Variants in BMPR2 observed in about 807,000 individuals in gnomAD.
BMPR2 encodes bone morphogenetic protein receptor type 2.
In BMPR2, 29 loss-of-function variants were observed where a neutral mutation model predicts 100.8. The ratio of observed to expected loss-of-function variants is 0.29; its 90% CI spans 0.21 to 0.39. BMPR2 has a LOEUF of 0.39. Among genes scored for constraint, BMPR2 ranks in the 10% least tolerant of loss-of-function variants. BMPR2 has a pLI of 1.00. For missense variants in BMPR2, 1,011 were observed against 1,274.5 expected, an observed-to-expected ratio of 0.79 and a Z score of 3.15; for synonymous variants, 382 against 442.3, an observed-to-expected ratio of 0.86 and a Z score of 1.71.
intron 1 of BMPR2, among the ~76,000 whole-genome samples, chr2:202,464,233 G>C (rs1409782778): frequency 3.4e-5 from 5 of 147,062 alleles, no homozygotes; most frequent in Non-Finnish European, 7.4e-5. Context: ...CTCAATTTAA[G>C]TGAACAATTC....
intron 1 of BMPR2, among the ~76,000 whole-genome samples, chr2:202,423,642 C>T (rs1343181965): frequency 1.3e-5 from 2 of 152,290 alleles, no homozygotes; most frequent in East Asian, 1.9e-4. Flanking sequence ...GTGGTCCCAG[C>T]TACTCAGGAC....
intron 1 of BMPR2, among the ~76,000 whole-genome samples, chr2:202,446,851 C>T (rs1691858895): frequency 6.7e-6 from 1 of 149,164 alleles, no homozygotes; most frequent in Non-Finnish European, 1.5e-5. Context: ...AGGGTTTCAC[C>T]ACGTTGGCCA....
Position 202,464,016 on chromosome 2 carries a change from G to T in BMPR2, c.77-793G>T, listed in dbSNP as rs550350066. Among the ~76,000 whole-genome samples the T allele has an allele frequency of 5.7e-4, 87 of 152,004 alleles. 2 individuals carry two copies. The highest frequency in any genetic ancestry group is 5.2e-4 in the Non-Finnish European group (35 of 67,956). The stretch of plus-strand genomic sequence containing the variant: ...CTCTACTAAAAATACAAAATTAGCC[G>T]GGCGTGGTGGCACATGCCTGTAATG... On this transcript the variant is annotated intron_variant, in intron 1 of 12. Coordinates refer to ENST00000374580, the MANE Select transcript of BMPR2 (RefSeq NM_001204.7).
At chr2:202,377,587 C>G in intron 1 of BMPR2, 37 bp downstream of exon 1, 1 of 1,610,176 alleles carries the variant, frequency 6.2e-7, no homozygotes, top group Non-Finnish European at 8.5e-7. Context: ...GGCCACTGCC[C>G]CTGCGGGTGG....
intron 1 of BMPR2, among the ~76,000 whole-genome samples, chr2:202,390,284 G>T (rs1369072605): frequency 6.6e-6 from 1 of 150,684 alleles, no homozygotes; most frequent in African/African-American, 2.4e-5. Flanking sequence ...AAAATAGGTT[G>T]TACTGTCATT....
chr2:202,533,135 CTTTTT>C (rs1041097831), intron 9 of BMPR2, among the ~76,000 whole-genome samples: 1 of 151,370 alleles, frequency 6.6e-6, no homozygotes, highest in African/African-American at 2.4e-5. Flanking sequence ...TTTTCCTTTT[CTTTTT>C]TTTTCATGCT....
intron 1 of BMPR2, among the ~76,000 whole-genome samples, chr2:202,391,908 C>T (rs532925946): frequency 4.0e-5 from 6 of 151,170 alleles, no homozygotes; most frequent in East Asian, 1.9e-4. Context: ...ACTACAGGCG[C>T]GCGCCACCAC....
At chr2:202,467,788 A>AGCCATCACGCC in intron 3 of BMPR2, 99 bp downstream of exon 3, 1 of 1,260,540 alleles carries the variant, frequency 7.9e-7, no homozygotes, top group Non-Finnish European at 1.1e-6. Context: ...GCCAGGCGTG[A>AGCCATCACGCC]TGGCTCATGC....
In BMPR2 at chr2:202,564,388, G is replaced by C. The variant is rs1192185646; in HGVS notation, c.*4442G>C. ...ATCTAACTTCTTAAAGTTAAAATCC[G>C]GACACACATGTTGATTATCTAGACC... On this transcript the variant is annotated 3_prime_UTR_variant, in exon 13 of 13. Transcript: ENST00000374580. 6.6e-6 allele frequency: 1 copy of C among 151,974 alleles called. No individual in the cohort carries two copies. Among genetic ancestry groups the C allele is most frequent in the Non-Finnish European group, 1.5e-5 (1 of 68,010 alleles). 9.4% of individuals were successfully genotyped at this position (151,974 alleles called of 1,614,324 possible).
rs1688146630 is a variant in BMPR2 at position 202,535,883 on chromosome 2, G to C, written c.1276+3151G>C. ...GGATCACTCGCGGTTAGGGGCTGGA[G>C]ACCGGCCTGGCCAACACAGCGAAAC... is the stretch of plus-strand genomic sequence containing the variant. On this transcript the variant is annotated intron_variant, in intron 9 of 12. Transcript: ENST00000374580. Among the ~76,000 whole-genome samples, 3 of 152,216 alleles carry C rather than the reference G, an allele frequency of 2.0e-5. No individual in the cohort carries two copies. The South Asian group carries it at 6.2e-4, about 32-fold the overall frequency.
At chr2:202,418,917 G>A (rs1047003809) in intron 1 of BMPR2, among the ~76,000 whole-genome samples, 3 of 152,180 alleles carry the variant, frequency 2.0e-5, no homozygotes, top group African/African-American at 7.2e-5. Context: ...CAGCTTTGTA[G>A]GCTATTTCAA....
chr2:202,533,600 G>A (rs903108964), intron 9 of BMPR2, among the ~76,000 whole-genome samples: 3 of 151,916 alleles, frequency 2.0e-5, no homozygotes, highest in Non-Finnish European at 2.9e-5. Context: ...CAAGGCAGGC[G>A]GATCATGAGG....
chr2:202,535,757 G>T (rs900200266), intron 9 of BMPR2, among the ~76,000 whole-genome samples: 3 of 152,128 alleles, frequency 2.0e-5, no homozygotes, highest in Admixed American at 6.5e-5. Flanking sequence ...AGGTTGTAGC[G>T]AGCCGAGATC....
chr2:202,457,733 T>C (rs1313216014), intron 1 of BMPR2, among the ~76,000 whole-genome samples: 1 of 151,842 alleles, frequency 6.6e-6, no homozygotes, highest in Non-Finnish European at 1.5e-5. Flanking sequence ...AAGTTTGACT[T>C]TTTTGGTTTT....
At chr2:202,416,541 T>C (rs2105920627) in intron 1 of BMPR2, among the ~76,000 whole-genome samples, 1 of 151,618 alleles carries the variant, frequency 6.6e-6, no homozygotes, top group Non-Finnish European at 1.5e-5. Flanking sequence ...TTCTCCTGCC[T>C]CAGCCTCCCA....
intron 7 of BMPR2, among the ~76,000 whole-genome samples, chr2:202,527,443 G>A (rs189642649): frequency 1.3e-3 from 191 of 151,102 alleles, no homozygotes; most frequent in African/African-American, 4.4e-3. Flanking sequence ...AGCTGAGATT[G>A]CCGCCACTGC....
At chr2:202,443,191 A>G (rs1322227027) in intron 1 of BMPR2, among the ~76,000 whole-genome samples, 1 of 150,694 alleles carries the variant, frequency 6.6e-6, no homozygotes, top group African/African-American at 2.5e-5. Context: ...GACTGCTCAG[A>G]TAGGTTTATA....
At chr2:202,550,866 C>T (rs758196173) in intron 10 of BMPR2, among the ~76,000 whole-genome samples, 1 of 151,018 alleles carries the variant, frequency 6.6e-6, no homozygotes, top group Non-Finnish European at 1.5e-5. Flanking sequence ...TTTATAGTTA[C>T]CTAAGTAGGC....
chr2:202,411,071 A>G (rs1392003015), intron 1 of BMPR2, among the ~76,000 whole-genome samples: 3 of 152,188 alleles, frequency 2.0e-5, no homozygotes, highest in Non-Finnish European at 2.9e-5. Context: ...GCAGGCAAGA[A>G]TCAACCAATG....
Sources: allele counts gnomAD v4.1 joint callset (sites outside exome capture counted in the v4.1 genomes callset), GRCh38; gene constraint gnomAD v4.1.1; transcripts MANE v1.5; gene names NCBI Gene and HGNC (gene_info 2026-07-23, HGNC 2026-07-21).